The following C6orf120 variants were observed in gnomAD, a reference collection of about 807,000 sequenced individuals.
C6orf120 encodes UPF0669 protein C6orf120.
For missense variants in C6orf120, 311 were observed against 264.2 expected (o/e 1.18, Z -1.23); for synonymous variants, 165 against 123.1 (o/e 1.34, Z -2.25).
At chr6:169,705,170 A>G (rs762831845), downstream of C6orf120, 1 of 1,612,324 alleles carries the variant, frequency 6.2e-7, no homozygotes, top group Non-Finnish European at 8.5e-7. Flanking sequence ...AAAAAGTATG[A>G]TAACCTCTGT....
chr6:169,705,318 T>C (rs772938693), downstream of C6orf120: 1 of 1,604,054 alleles, frequency 6.2e-7, no homozygotes, highest in Admixed American at 1.7e-5. Flanking sequence ...GCAAGAAGGA[T>C]GGCCTAAATC....
chr6:169,702,180 C>T (rs141767157), upstream of C6orf120: 24,782 of 658,386 alleles, frequency 0.038, 1,250 homozygotes, highest in South Asian at 0.17. Context: ...AAGCGCGGCC[C>T]CCTGCGGGGA....
chr6:169,703,759 C>T (rs1262563580), exon 1 of C6orf120: 1 of 497,810 alleles, frequency 2.0e-6, no homozygotes, highest in Non-Finnish European at 3.6e-6. Flanking sequence ...AGTTAAGTAT[C>T]TTAAGTTACT....
At chr6:169,703,064 C>G in exon 1 of C6orf120, 1 of 1,532,594 alleles carries the variant, frequency 6.5e-7, no homozygotes, top group Non-Finnish European at 8.8e-7. Context: ...GGATATAAAA[C>G]CCTCCATCTG....
At chr6:169,703,441 T>G (rs908242997) in exon 1 of C6orf120, 1 of 238,288 alleles carries the variant, frequency 4.2e-6, no homozygotes, top group Non-Finnish European at 9.0e-6. Flanking sequence ...TAAAATCAAG[T>G]TGGAAATGAT....
Sources: gnomAD v4.1 joint callset for allele counts on GRCh38, gnomAD v4.1.1 for gene constraint, MANE v1.5 for transcripts, NCBI Gene and HGNC (gene_info 2026-07-23, HGNC 2026-07-21) for gene names.